Variants in CACNA1G observed in about 807,000 individuals in gnomAD.
CACNA1G encodes the protein calcium voltage-gated channel subunit alpha1 G.
Under a neutral mutation model 219.4 loss-of-function variants are expected in CACNA1G, and 67 were observed. The ratio of observed to expected loss-of-function variants is 0.31; its 90% CI spans 0.25 to 0.37. The LOEUF is 0.37. Ranked by LOEUF, CACNA1G falls within the 10% of genes least tolerant of loss-of-function variation. CACNA1G has a pLI of 1.00. For missense variants in CACNA1G, 2,380 were observed against 3,231.4 expected (o/e 0.74, Z 6.39); for synonymous variants, 1,296 against 1,345.3 (o/e 0.96, Z 0.80).
chr17:50,612,049 G>T (rs4141292), intron 26 of CACNA1G, among the ~76,000 whole-genome samples: 66,123 of 152,150 alleles, frequency 0.43, 15,775 homozygotes, highest in East Asian at 0.93. Context: ...CTAGGACCTG[G>T]AGTTCTGCGT....
chr17:50,594,849 C>G (rs953398158), intron 13 of CACNA1G, 144 bp from the exon 14 acceptor site: 5 of 626,142 alleles, frequency 8.0e-6, no homozygotes, highest in South Asian at 1.9e-5. Context: ...CCCTCTCTGC[C>G]CCCCCATTCC....
intron 35 of CACNA1G, among the ~76,000 whole-genome samples, chr17:50,622,767 GA>G (rs1289756380): frequency 6.6e-6 from 1 of 152,176 alleles, no homozygotes; most frequent in Non-Finnish European, 1.5e-5. Context: ...TCCCTTCTCT[GA>G]AACAGAGCAA....
rs542809125 is a variant in CACNA1G, at chr17:50,561,805, G to A, written c.242+104G>A. 25 of 533,168 alleles carry A rather than the reference G, an allele frequency of 4.7e-5. No homozygotes were observed. In the African/African-American group the frequency reaches 4.9e-4, roughly 11 times the overall value. The allele number at this position is 533,168 out of a possible 1,614,324, so 33.0% of individuals were successfully genotyped here. A position where few individuals can be genotyped will look rare whatever the true frequency, so the allele number is the denominator to read the frequency against. On this transcript the variant is annotated intron_variant, in intron 1 of 37. Transcript: ENST00000359106. The stretch of plus-strand genomic sequence containing the variant: ...GACCCACCGCCAGGTGAGTCGAAGT[G>A]AGCCCGGAGGGTAGGCGGATGGGGG...
chr17:50,600,401 C>A lies in CACNA1G; in HGVS notation c.3691-325C>A, dbSNP rs1278274001. ...TGGGGCCAGTGTTTGATAACTGATG[C>A]TGCTTCCCAGCTCAGCAGGGAGGAC... On this transcript the variant is annotated intron_variant, in intron 17 of 37. Transcript: ENST00000359106. The surrounding 1 kb of genome is among the most constrained non-coding windows in gnomAD (Gnocchi z 4.1). 6.6e-6 allele frequency among the ~76,000 whole-genome samples: 1 copy of A among 151,936 alleles called. No individual in the cohort carries two copies. The highest frequency in any genetic ancestry group is 1.5e-5 in the Non-Finnish European group (1 of 67,988).
Position 50,569,295 on chromosome 17 carries a change from C to T in CACNA1G, c.485C>T (p.Ala162Val). 1 of 1,613,536 alleles carries T rather than the reference C, an allele frequency of 6.2e-7. No individual in the cohort carries two copies. Among genetic ancestry groups the T allele is most frequent in the Middle Eastern group, 1.7e-4 (1 of 5,826 alleles). The change falls in exon 3 of 38, where the codon GCA becomes GTA. Residue 162 changes from alanine (A) to valine (V), a missense_variant. Coordinates refer to ENST00000359106, the MANE Select transcript of CACNA1G (RefSeq NM_018896.5). ...WNRLDFFIVI[A>V]GMLEYSLDLQ... ...CGGCTTGACTTTTTCATCGTCATCG[C>T]AGGGTGAGGACCTGGGCTGGGGTGG...
intron 37 of CACNA1G, 124 bp from the exon 38 acceptor site, chr17:50,625,893 C>A: frequency 9.2e-7 from 1 of 1,081,574 alleles, no homozygotes; most frequent in Non-Finnish European, 1.3e-6. Context: ...CTACCAGGAC[C>A]TCTGCTTAGG....
At position 50,617,444 on chromosome 17, in the gene CACNA1G, C is replaced by A; in HGVS notation, c.5028C>A (p.Asn1676Lys). 6.2e-7 allele frequency: 1 copy of A among 1,612,892 alleles called. No individual in the cohort carries two copies. Among genetic ancestry groups the A allele is most frequent in the Non-Finnish European group, 8.5e-7 (1 of 1,179,160 alleles). ...TGTATTCTGGGCTTTCCAGGTGGAACCAGCTGGACCTGGCCATTGTGCTGC... is the reference window on the plus strand; with the variant it reads ...TGTATTCTGGGCTTTCCAGGTGGAAACAGCTGGACCTGGCCATTGTGCTGC... ...GFRRFFQDRW[N>K]QLDLAIVLLS... Residue 1676 changes from asparagine to lysine, a missense_variant, in exon 29 of 38, where the codon AAC becomes AAA. Physicochemically the swap from Asn to Lys is moderately conservative, Grantham distance 94. Transcript: ENST00000359106. This position sits in a 1 kb window ranked among gnomAD's most constrained non-coding sequence, Gnocchi z 5.8.
rs756996342 is a variant in CACNA1G, at chr17:50,615,334, G to C, written c.4760-27G>C. The stretch of plus-strand genomic sequence containing the variant: ...TGCGGGGGGCAGGGGCCTGACGCTT[G>C]CTCTGCTCTTCCCCCTGCCCCATCA... On this transcript the variant is annotated intron_variant, in intron 26 of 37. Transcript: ENST00000359106. 6 of 1,555,024 alleles carry C rather than the reference G, an allele frequency of 3.9e-6. No individual in the cohort carries two copies. The East Asian group carries it at 1.1e-4, about 30-fold the overall frequency.
intron 9 of CACNA1G, among the ~76,000 whole-genome samples, chr17:50,583,221 A>G (rs1311945424): frequency 1.3e-5 from 2 of 152,154 alleles, no homozygotes; most frequent in East Asian, 1.9e-4. Flanking sequence ...GCTAGGGCTG[A>G]GGACCAAGCA....
rs1311514351 is a variant in CACNA1G, at chr17:50,626,564, C to G, written c.6947C>G (p.Pro2316Arg). Residue 2316 changes from proline to arginine, a missense_variant, in exon 38 of 38, where the codon CCC becomes CGC. By Grantham distance (103) the Pro-to-Arg change is moderately radical. This residue lies in a region of CACNA1G where 672 missense variants were observed against 670.5 expected (regional missense o/e 1.00). Transcript: ENST00000359106. This position sits in a 1 kb window ranked among gnomAD's most constrained non-coding sequence, Gnocchi z 4.3. ...CCGCCTAGTATCACCATAGACCCCC[C>G]CGAGAGCCAAGGTCCTCGGACCCCG... ...LSPPSITIDPPESQGPRTPPS... is the reference protein window; with the variant it reads ...LSPPSITIDPRESQGPRTPPS... 1 of 1,594,178 alleles carries G rather than the reference C, an allele frequency of 6.3e-7. No individual in the cohort carries two copies. Among genetic ancestry groups the G allele is most frequent in the African/African-American group, 1.4e-5 (1 of 73,914 alleles).
intron 8 of CACNA1G, among the ~76,000 whole-genome samples, chr17:50,577,164 G>T (rs898323839): frequency 1.3e-5 from 2 of 152,144 alleles, no homozygotes; most frequent in Non-Finnish European, 2.9e-5. Flanking sequence ...GCCACGGGAC[G>T]TGGGCCAGTC....
In CACNA1G at chr17:50,600,613, GC is replaced by G; in HGVS notation, c.3691-109del. On this transcript the variant is annotated intron_variant, in intron 17 of 37. Coordinates refer to ENST00000359106, the MANE Select transcript of CACNA1G (RefSeq NM_018896.5). This position sits in a 1 kb window ranked among gnomAD's most constrained non-coding sequence, Gnocchi z 4.1. ...GGAAGAGAGGCAGGGCAGAGCTTGG[GC>G]CCCAGGTGGGAGAGGGTAGACAAGG... is the stretch of plus-strand genomic sequence containing the variant. The G allele has an allele frequency of 1.2e-6, 1 of 840,774 alleles. No homozygotes were observed. Among genetic ancestry groups the G allele is most frequent in the Non-Finnish European group, 2.0e-6 (1 of 505,662 alleles). 52.1% of individuals were successfully genotyped at this position (840,774 alleles called of 1,614,324 possible).
chr17:50,591,900 C>A lies in CACNA1G; in HGVS notation c.2755-37C>A, dbSNP rs201145850. The A allele has an allele frequency of 2.0e-4, 324 of 1,613,916 alleles. 2 individuals are homozygous for A. In the African/African-American group the frequency reaches 3.8e-3, roughly 19 times the overall value. Reference sequence around the variant, plus strand: ...GCGTGGACAGGGGCCGTCAGGTGCCCCTAGTATAGGCCCTGATTCCTGTCT... The same window carrying A: ...GCGTGGACAGGGGCCGTCAGGTGCCACTAGTATAGGCCCTGATTCCTGTCT... On this transcript the variant is annotated intron_variant, in intron 12 of 37. Transcript: ENST00000359106.
At chr17:50,573,920 C>T (rs1038869734) in intron 7 of CACNA1G, among the ~76,000 whole-genome samples, 1 of 152,210 alleles carries the variant, frequency 6.6e-6, no homozygotes, top group Non-Finnish European at 1.5e-5. Context: ...TAATCCTCAC[C>T]GTGATCCTCT....
chr17:50,596,591 C>G lies in CACNA1G; in HGVS notation c.3009C>G (p.Pro1003=). Residue 1003 remains proline, a synonymous_variant, in exon 15 of 38, where the codon CCC becomes CCG. Transcript: ENST00000359106. The surrounding 1 kb of genome is among the most constrained non-coding windows in gnomAD (Gnocchi z 4.8). ...ATGCCAACAAGTCCGAATCAGAGCC[C>G]GATTTCTTCTCACCCAGCCTGGATG... ...GGDANKSESE[P]DFFSPSLDGD... The G allele has an allele frequency of 2.5e-6, 4 of 1,613,932 alleles. No homozygotes were observed. The highest frequency in any genetic ancestry group is 3.4e-6 in the Non-Finnish European group (4 of 1,179,854).
chr17:50,608,590 A>C (rs2048468291), intron 25 of CACNA1G, among the ~76,000 whole-genome samples: 1 of 151,796 alleles, frequency 6.6e-6, no homozygotes, highest in Non-Finnish European at 1.5e-5. Context: ...AAACAAAAAC[A>C]AAAAAAGAAA....
At chr17:50,601,873 G>C (rs538132851) in intron 19 of CACNA1G, among the ~76,000 whole-genome samples, 1 of 152,264 alleles carries the variant, frequency 6.6e-6, no homozygotes, top group African/African-American at 2.4e-5. Context: ...AGGTGGCCAG[G>C]GTTTGCCTCT....
In CACNA1G at chr17:50,626,376, C is replaced by T; in HGVS notation, c.6759C>T (p.Ser2253=). 1 of 1,612,142 alleles carries T rather than the reference C, an allele frequency of 6.2e-7. No homozygotes were observed. The highest frequency in any genetic ancestry group is 8.5e-7 in the Non-Finnish European group (1 of 1,179,254). Residue 2253 remains serine (S), a synonymous_variant, in exon 38 of 38, where the codon AGC becomes AGT. Transcript: ENST00000359106. The surrounding 1 kb of genome is among the most constrained non-coding windows in gnomAD (Gnocchi z 4.3). ...AGTGCTACAGCGTGGAGGCCCAGAG[C>T]TGCCAGCGCCGGCCTACGTCCTGGC... ...LKKCYSVEAQ[S]CQRRPTSWLD...
chr17:50,619,999 A>G (rs1003926537), intron 34 of CACNA1G, among the ~76,000 whole-genome samples, 173 bp downstream of exon 34: 1 of 152,174 alleles, frequency 6.6e-6, no homozygotes, highest in African/African-American at 2.4e-5. Context: ...CTAGACTGAG[A>G]TCACCTCCAG....
Sources: gnomAD v4.1 joint callset for allele counts (sites outside exome capture counted in the v4.1 genomes callset) on GRCh38, gnomAD v4.1.1 for gene constraint, gnomAD v4.1.1 regional missense constraint, Gnocchi (gnomAD v3.1) non-coding constraint, MANE v1.5 for transcripts, NCBI Gene and HGNC (gene_info 2026-07-23, HGNC 2026-07-21) for gene names.